The following IRAK1BP1 variants were observed in gnomAD, a reference collection of about 807,000 sequenced individuals.
IRAK1BP1 encodes the protein interleukin 1 receptor associated kinase 1 binding protein 1.
Under a neutral mutation model 28.0 loss-of-function variants are expected in IRAK1BP1, and 24 were observed. That is an observed-to-expected ratio of 0.86 (90% CI 0.62 to 1.20). The LOEUF is 1.20. Ranked by LOEUF, IRAK1BP1 falls within the 50% of genes most tolerant of loss-of-function variation. IRAK1BP1 has a pLI of 0.00. For synonymous variants in IRAK1BP1, 131 were observed against 116.3 expected (o/e 1.13, Z -0.81); for missense variants, 336 against 316.7 (o/e 1.06, Z -0.46).
chr6:78,961,608 G>A, the IRAK1BP1 span: 1 of 1,419,420 alleles, frequency 7.0e-7, no homozygotes, highest in Non-Finnish European at 9.8e-7. Flanking sequence ...ACAAAAAGTT[G>A]AGAAACACTG....
At chr6:78,907,873 C>T (rs988008004), downstream of IRAK1BP1, among the ~76,000 whole-genome samples, 1 of 148,562 alleles carries the variant, frequency 6.7e-6, no homozygotes, top group Non-Finnish European at 1.5e-5. Flanking sequence ...GCGCATGCCT[C>T]CAGGCCCAGC....
chr6:78,970,051 C>T, the IRAK1BP1 span: 9 of 1,613,424 alleles, frequency 5.6e-6, no homozygotes, highest in Non-Finnish European at 6.8e-6. Flanking sequence ...GTCCTTACTT[C>T]ATGGTAAATG....
exon 5 of IRAK1BP1, chr6:78,945,496 T>C: frequency 1.3e-6 from 2 of 1,560,398 alleles, no homozygotes; most frequent in Non-Finnish European, 1.8e-6. Flanking sequence ...AATTCTCTAG[T>C]ACTAAAACAT....
chr6:78,915,977 A>C (rs1772549632), intron 4 of IRAK1BP1, among the ~76,000 whole-genome samples: 1 of 152,200 alleles, frequency 6.6e-6, no homozygotes, highest in Non-Finnish European at 1.5e-5. Flanking sequence ...ATTCACAAAC[A>C]AAGCAAGGAA....
chr6:78,971,283 A>AT, the IRAK1BP1 span, among the ~76,000 whole-genome samples: 8 of 152,376 alleles, frequency 5.3e-5, no homozygotes, highest in African/African-American at 1.7e-4. Flanking sequence ...ACTTTCACAT[A>AT]TATTTTAATC....
intron 4 of IRAK1BP1, among the ~76,000 whole-genome samples, chr6:78,928,391 T>C (rs906521270): frequency 1.3e-5 from 2 of 152,154 alleles, no homozygotes; most frequent in African/African-American, 4.8e-5. Context: ...TGACTTTGCT[T>C]ATCAGTTTTA....
At chr6:78,895,598 AT>A (rs1771852653) in intron 2 of IRAK1BP1, among the ~76,000 whole-genome samples, 1 of 152,246 alleles carries the variant, frequency 6.6e-6, no homozygotes, top group Admixed American at 6.5e-5. Context: ...ACATTCAGAA[AT>A]TGGTCAATCT....
chr6:78,924,432 A>G (rs1250462410), intron 4 of IRAK1BP1, among the ~76,000 whole-genome samples: 1 of 152,198 alleles, frequency 6.6e-6, no homozygotes, highest in Non-Finnish European at 1.5e-5. Flanking sequence ...TTAATAGCCT[A>G]CCAAACAAAA....
At position 78,871,279 on chromosome 6, in the gene IRAK1BP1, C is replaced by T. The variant is rs144665089; in HGVS notation, c.315+3388C>T. 1,940 of 985,192 alleles carry T rather than the reference C, an allele frequency of 2.0e-3. 7 individuals are homozygous for T. Among genetic ancestry groups the T allele is most frequent in the Middle Eastern group, 0.019 (37 of 1,914 alleles). 61.0% of individuals were successfully genotyped at this position (985,192 alleles called of 1,614,324 possible). A position where few individuals can be genotyped will look rare whatever the true frequency, so the allele number is the denominator to read the frequency against. On this transcript the variant is annotated intron_variant, in intron 1 of 3. Coordinates refer to ENST00000369940, the MANE Select transcript of IRAK1BP1 (RefSeq NM_001010844.4). ...CTGGTCCTCCCTCACAAAAGTGTTT[C>T]GGTCACTCAGGATGCATATCTAAGT...
At chr6:78,936,347 T>G (rs1339536196) in intron 4 of IRAK1BP1, 1 of 151,958 alleles carries the variant, frequency 6.6e-6, no homozygotes, top group African/African-American at 2.4e-5. Context: ...TTAAGTTTTC[T>G]AAAAGATCTT....
At chr6:78,929,923 T>A (rs1772996994) in intron 4 of IRAK1BP1, among the ~76,000 whole-genome samples, 1 of 84,220 alleles carries the variant, frequency 1.2e-5, no homozygotes, top group South Asian at 5.2e-4. Context: ...GAATCATAAT[T>A]CTGACACAGT....
At chr6:78,938,340 T>C (rs969643770) in intron 4 of IRAK1BP1, 2 of 151,654 alleles carry the variant, frequency 1.3e-5, no homozygotes, top group African/African-American at 4.8e-5. Context: ...CTCATTTCTT[T>C]GCTTGAGTTG....
chr6:78,947,636 C>G, downstream of IRAK1BP1: 1 of 1,434,824 alleles, frequency 7.0e-7, no homozygotes. Context: ...TGATCTTTTG[C>G]TTGGTGTATA....
At chr6:78,881,554 G>T (rs1771229596) in intron 1 of IRAK1BP1, among the ~76,000 whole-genome samples, 1 of 152,120 alleles carries the variant, frequency 6.6e-6, no homozygotes, top group African/African-American at 2.4e-5. Flanking sequence ...CCTATCACAG[G>T]ATCAATCCCA....
Position 78,899,844 on chromosome 6 carries a change from C to A in IRAK1BP1, c.*1510C>A, listed in dbSNP as rs1772033187. On this transcript the variant is annotated 3_prime_UTR_variant, in exon 4 of 4. Transcript: ENST00000369940. ...AAATATATCAAAAATATTATTTCAG[C>A]ATGTAATCAGTATTTTTTAAATTGA... 6.6e-6 allele frequency: 1 copy of A among 152,174 alleles called. No individual in the cohort carries two copies. Among genetic ancestry groups the A allele is most frequent in the South Asian group, 2.1e-4 (1 of 4,832 alleles). The allele number at this position is 152,174 out of a possible 1,614,324, so 9.4% of individuals were successfully genotyped here.
At chr6:78,955,166 T>C in the IRAK1BP1 span, 2 of 1,141,412 alleles carry the variant, frequency 1.8e-6, no homozygotes, top group East Asian at 2.6e-5. Flanking sequence ...AGTAAAAAAA[T>C]AAAGAAAGCT....
chr6:78,881,074 G>A (rs964114743), intron 1 of IRAK1BP1, among the ~76,000 whole-genome samples: 1 of 152,158 alleles, frequency 6.6e-6, no homozygotes, highest in African/African-American at 2.4e-5. Flanking sequence ...GTACACAAAT[G>A]TTTATAGCAG....
downstream of IRAK1BP1, among the ~76,000 whole-genome samples, chr6:78,950,882 T>C (rs187979808): frequency 1.7e-4 from 26 of 152,268 alleles, 1 homozygote; most frequent in East Asian, 4.4e-3. Context: ...TTGGCTTACC[T>C]TTGGGTGATT....
downstream of IRAK1BP1, among the ~76,000 whole-genome samples, chr6:78,949,875 G>C (rs531901426): frequency 6.6e-6 from 1 of 152,028 alleles, no homozygotes; most frequent in Non-Finnish European, 1.5e-5. Context: ...TTTTTGTAAA[G>C]ACGGGGTTTT....
Sources: gnomAD v4.1 joint callset for allele counts (sites outside exome capture counted in the v4.1 genomes callset) on GRCh38, gnomAD v4.1.1 for gene constraint, MANE v1.5 for transcripts, NCBI Gene and HGNC (gene_info 2026-07-23, HGNC 2026-07-21) for gene names.